Variants in NMD3 observed in about 807,000 individuals in gnomAD.
The protein encoded by NMD3 is 60S ribosomal export protein NMD3.
NMD3 carries 47 observed loss-of-function variants against 73.1 expected under a neutral mutation model. That is an observed-to-expected ratio of 0.64 (90% CI 0.51 to 0.82). NMD3 has a LOEUF of 0.82. NMD3 is among the 40% of genes least tolerant of loss of function. The pLI is 0.00. For synonymous variants in NMD3, 210 were observed against 194.5 expected (o/e 1.08, Z -0.66); for missense variants, 554 against 612.5 (o/e 0.90, Z 1.01).
intron 5 of NMD3, among the ~76,000 whole-genome samples, chr3:161,234,068 C>A (rs1453067938): frequency 6.6e-6 from 1 of 151,994 alleles, no homozygotes; most frequent in Non-Finnish European, 1.5e-5. Context: ...AAAAGCTTCC[C>A]ATGTGATTTC....
intron 4 of NMD3, among the ~76,000 whole-genome samples, chr3:161,230,609 T>G (rs1240168152): frequency 6.6e-6 from 1 of 152,224 alleles, no homozygotes; most frequent in Non-Finnish European, 1.5e-5. Context: ...ATTTATTTGT[T>G]AATTCACTCC....
At position 161,247,365 on chromosome 3, in the gene NMD3, T is replaced by C. The variant is rs770505616; in HGVS notation, c.1203+35T>C. 6 of 1,342,912 alleles carry C rather than the reference T, an allele frequency of 4.5e-6. No homozygotes were observed. In the African/African-American group the frequency reaches 8.6e-5, roughly 19 times the overall value. 83.2% of individuals were successfully genotyped at this position (1,342,912 alleles called of 1,614,324 possible). ...TAGATTTTTCCCTTTTTTCCTGTGT[T>C]AAAGAGGATGAATGTAACTCTTAGG... On this transcript the variant is annotated intron_variant, in intron 13 of 15. Coordinates refer to ENST00000351193, the MANE Select transcript of NMD3 (RefSeq NM_015938.5).
At chr3:161,238,668 C>A in intron 8 of NMD3, 62 bp from the exon 9 acceptor site, 1 of 807,326 alleles carries the variant, frequency 1.2e-6, no homozygotes, top group South Asian at 1.5e-5. Context: ...AATTGATATT[C>A]CTGAGTCCAT....
intron 3 of NMD3, among the ~76,000 whole-genome samples, chr3:161,225,838 G>A (rs9290073): frequency 0.6 from 90,595 of 151,780 alleles, 28,031 homozygotes; most frequent in East Asian, 0.91. Context: ...GTGTGTGTGT[G>A]TATATATGTA....
At chr3:161,227,420 T>A in intron 4 of NMD3, 77 bp downstream of exon 4, 1 of 821,416 alleles carries the variant, frequency 1.2e-6, no homozygotes, top group Non-Finnish European at 2.0e-6. Context: ...TTCTTGTGAG[T>A]AGGTTTTTCA....
chr3:161,246,799 A>G (rs75852606), intron 12 of NMD3, among the ~76,000 whole-genome samples: 3 of 152,174 alleles, frequency 2.0e-5, no homozygotes, highest in Non-Finnish European at 2.9e-5. Flanking sequence ...TATGACAACT[A>G]TATATATACA....
At position 161,238,750 on chromosome 3, in the gene NMD3, T is replaced by C. The variant is rs1560070363; in HGVS notation, c.677T>C (p.Leu226Pro). 1.3e-6 allele frequency: 2 copies of C among 1,566,356 alleles called. No individual in the cohort carries two copies. Among genetic ancestry groups the C allele is most frequent in the Non-Finnish European group, 1.8e-6 (2 of 1,140,916 alleles). The change falls in exon 9 of 16, where the codon CTG becomes CCG. Residue 226 changes from leucine to proline, a missense_variant. Coordinates refer to ENST00000351193, the MANE Select transcript of NMD3 (RefSeq NM_015938.5). ...AATAGATACAAAGCATCACAAAGAC[T>C]GATCTCTCAAGATATCCATAGTAAC... ...VPCRYKASQRLISQDIHSNTY... is the reference protein window; with the variant it reads ...VPCRYKASQRPISQDIHSNTY...
chr3:161,245,172 A>G (rs567127317), intron 11 of NMD3, among the ~76,000 whole-genome samples: 4 of 151,960 alleles, frequency 2.6e-5, no homozygotes, highest in African/African-American at 9.7e-5. Flanking sequence ...GCGTGCTAAT[A>G]ATGCTTCTTG....
chr3:161,231,262 G>T (rs1736536485), intron 4 of NMD3, among the ~76,000 whole-genome samples: 1 of 152,150 alleles, frequency 6.6e-6, no homozygotes, highest in Non-Finnish European at 1.5e-5. Context: ...TTGGTGCCCA[G>T]GAACTAGAGG....
chr3:161,231,917 T>A (rs1439155384), intron 4 of NMD3, among the ~76,000 whole-genome samples: 1 of 151,988 alleles, frequency 6.6e-6, no homozygotes, highest in Non-Finnish European at 1.5e-5. Context: ...CATAACCATA[T>A]GGAAATTGGA....
At chr3:161,227,403 C>T in intron 4 of NMD3, 60 bp downstream of exon 4, 11 of 847,306 alleles carry the variant, frequency 1.3e-5, no homozygotes, top group South Asian at 9.6e-5. Flanking sequence ...GTCTCATTTT[C>T]AGAAAATTCT....
rs1176191090 is a variant in NMD3 at position 161,249,550 on chromosome 3, G to A, written c.1300G>A (p.Asp434Asn). ...AAGAGAGAGAGAAAACATGGATACA[G>A]ATGATGAAAGGTCTCGCTTTTCTTT... ...LARERENMDTDDERQYQDFLE... is the reference protein window; with the variant it reads ...LARERENMDTNDERQYQDFLE... The change falls in exon 14 of 16, where the codon GAT becomes AAT. Residue 434 changes from aspartate (D) to asparagine (N), a missense_variant. By Grantham distance (23) the Asp-to-Asn change is conservative. Transcript: ENST00000351193. The A allele has an allele frequency of 6.3e-7, 1 of 1,592,116 alleles. No individual in the cohort carries two copies. The highest frequency in any genetic ancestry group is 1.7e-5 in the Admixed American group (1 of 59,826).
Position 161,222,071 on chromosome 3 carries a change from T to G in NMD3, c.44+14T>G. 6.3e-7 allele frequency: 1 copy of G among 1,598,964 alleles called. No individual in the cohort carries two copies. Among genetic ancestry groups the G allele is most frequent in the Non-Finnish European group, 8.5e-7 (1 of 1,170,168 alleles). On this transcript the variant is annotated intron_variant, in intron 2 of 15. Transcript: ENST00000351193. ...CCCTGGACACATGTGAGTGCGACAC[T>G]TCTTCCTTCCCCCTTAAATGTGAAA...
At chr3:161,225,328 G>T (rs1736272126) in intron 3 of NMD3, among the ~76,000 whole-genome samples, 1 of 152,160 alleles carries the variant, frequency 6.6e-6, no homozygotes. Context: ...GATGTATATA[G>T]TTAATAGGAG....
rs1298164423 is a variant in NMD3, at chr3:161,224,917, T to G, written c.45-13T>G. On this transcript the variant is annotated splice_polypyrimidine_tract_variant and intron_variant, in intron 2 of 15. Coordinates refer to ENST00000351193, the MANE Select transcript of NMD3 (RefSeq NM_015938.5). ...AAATCTAATGTGAAAAATTTATCCT[T>G]TATTTATTAAAGCTTGTGCTGTGAG... 6.4e-7 allele frequency: 1 copy of G among 1,559,982 alleles called. No homozygotes were observed. Among genetic ancestry groups the G allele is most frequent in the African/African-American group, 1.4e-5 (1 of 71,472 alleles).
At position 161,221,327 on chromosome 3, in the gene NMD3, G is replaced by C. The variant is rs1411780540; in HGVS notation, c.-103G>C. On this transcript the variant is annotated 5_prime_UTR_variant, in exon 1 of 16. Coordinates refer to ENST00000351193, the MANE Select transcript of NMD3 (RefSeq NM_015938.5). Reference sequence around the variant, plus strand: ...CGAGATCTTCTCTGTGGCGGAGACAGCCAGGTTGGCAGCTGACGGGACAGC... The same window carrying C: ...CGAGATCTTCTCTGTGGCGGAGACACCCAGGTTGGCAGCTGACGGGACAGC... 1 of 152,382 alleles carries C rather than the reference G, an allele frequency of 6.6e-6. No homozygotes were observed. Among genetic ancestry groups the C allele is most frequent in the Non-Finnish European group, 1.5e-5 (1 of 68,156 alleles). 9.4% of individuals were successfully genotyped at this position (152,382 alleles called of 1,614,324 possible).
chr3:161,238,536 T>C (rs1478627719), intron 8 of NMD3, among the ~76,000 whole-genome samples, 194 bp from the exon 9 acceptor site: 1 of 152,108 alleles, frequency 6.6e-6, no homozygotes, highest in East Asian at 1.9e-4. Flanking sequence ...AGGTTCAAAA[T>C]AGGTAGGGCT....
intron 11 of NMD3, 133 bp downstream of exon 11, chr3:161,242,786 A>G: frequency 1.5e-6 from 1 of 675,446 alleles, no homozygotes; most frequent in Admixed American, 3.3e-5. Flanking sequence ...TAGGAAAAAA[A>G]TTCTTTTTTT....
At chr3:161,237,707 T>C (rs1362592562) in intron 7 of NMD3, among the ~76,000 whole-genome samples, 2 of 152,034 alleles carry the variant, frequency 1.3e-5, no homozygotes, top group African/African-American at 4.8e-5. Context: ...CCGGCTAATT[T>C]TTTGTATTTC....
Sources: allele counts gnomAD v4.1 joint callset (sites outside exome capture counted in the v4.1 genomes callset), GRCh38; gene constraint gnomAD v4.1.1; transcripts MANE v1.5; gene names NCBI Gene and HGNC (gene_info 2026-07-23, HGNC 2026-07-21).